Variants in CACNA2D1 observed in about 807,000 individuals in gnomAD.
CACNA2D1 encodes voltage-dependent calcium channel subunit alpha-2/delta-1.
A neutral mutation model predicts 171.5 loss-of-function variants in CACNA2D1; 53 were observed. That is an observed-to-expected ratio of 0.31 (90% CI 0.25 to 0.39). The LOEUF (loss-of-function observed/expected upper bound fraction) is 0.39, where lower values mean the gene tolerates loss of function less well. CACNA2D1 is among the 10% of genes least tolerant of loss of function. The pLI is 1.00. For synonymous variants in CACNA2D1, 442 were observed against 443.1 expected (o/e 1.00, Z 0.03); for missense variants, 903 against 1,299.8 (o/e 0.69, Z 4.69).
chr7:82,431,032 C>T (rs367961552), intron 1 of CACNA2D1, among the ~76,000 whole-genome samples: 4 of 152,262 alleles, frequency 2.6e-5, no homozygotes, highest in African/African-American at 7.2e-5. Flanking sequence ...CTTTGTGGTT[C>T]TGCTTTCTTC....
intron 3 of CACNA2D1, among the ~76,000 whole-genome samples, chr7:82,253,464 T>C (rs1805916985): frequency 6.6e-6 from 1 of 152,180 alleles, no homozygotes; most frequent in African/African-American, 2.4e-5. Context: ...GTTCAAGAAC[T>C]TTCATCAAGG....
At chr7:81,964,659 G>A (rs548524610) in intron 32 of CACNA2D1, among the ~76,000 whole-genome samples, 1 of 151,982 alleles carries the variant, frequency 6.6e-6, no homozygotes, top group South Asian at 2.1e-4. Flanking sequence ...CAGGGCCGGG[G>A]AATGGAGAGG....
At chr7:82,146,252 AAG>A (rs1375324672) in intron 4 of CACNA2D1, among the ~76,000 whole-genome samples, 3 of 151,524 alleles carry the variant, frequency 2.0e-5, no homozygotes, top group Non-Finnish European at 4.4e-5. Context: ...CCCTAGAAGA[AAG>A]AAACATTCAT....
intron 3 of CACNA2D1, among the ~76,000 whole-genome samples, chr7:82,253,349 C>A (rs923468784): frequency 7.2e-5 from 11 of 152,086 alleles, no homozygotes; most frequent in Non-Finnish European, 1.6e-4. Flanking sequence ...GTGAGGCAGG[C>A]ATAGGGCCAT....
At chr7:82,000,841 G>A (rs1405610352) in intron 18 of CACNA2D1, among the ~76,000 whole-genome samples, 1 of 111,738 alleles carries the variant, frequency 8.9e-6, no homozygotes, top group African/African-American at 3.6e-5. Flanking sequence ...ATGTTGGCCT[G>A]GCTGGTCTCA....
intron 10 of CACNA2D1, among the ~76,000 whole-genome samples, chr7:82,040,019 G>T (rs562679887): frequency 1.1e-4 from 17 of 152,302 alleles, no homozygotes; most frequent in Admixed American, 7.2e-4. Flanking sequence ...TTTTAAGAGT[G>T]CATCCTAGCT....
intron 3 of CACNA2D1, among the ~76,000 whole-genome samples, chr7:82,197,523 G>A (rs1798969817): frequency 6.6e-6 from 1 of 152,058 alleles, no homozygotes; most frequent in South Asian, 2.1e-4. Flanking sequence ...GCTGAGAAAT[G>A]AATTACAAAT....
intron 10 of CACNA2D1, chr7:82,050,674 C>G: frequency 2.9e-6 from 2 of 700,670 alleles, no homozygotes; most frequent in Non-Finnish European, 2.6e-6. Context: ...AATGCTTAGA[C>G]TTAAATGTGA....
intron 3 of CACNA2D1, among the ~76,000 whole-genome samples, chr7:82,328,334 C>T (rs1031666427): frequency 2.0e-5 from 3 of 152,076 alleles, no homozygotes; most frequent in African/African-American, 4.8e-5. Context: ...GCTTGGGCCT[C>T]ATTTTTATTG....
chr7:82,145,978 G>A lies in CACNA2D1; in HGVS notation c.355-9302C>T, dbSNP rs138924508. Among the ~76,000 whole-genome samples, 494 of 151,648 alleles carry A rather than the reference G, an allele frequency of 3.3e-3. 1 individual carries two copies. The highest frequency in any genetic ancestry group is 5.4e-3 in the Non-Finnish European group (369 of 67,882). On this transcript the variant is annotated intron_variant, in intron 4 of 38. Coordinates refer to ENST00000356860, the MANE Select transcript of CACNA2D1 (RefSeq NM_000722.4). ...CATATCACTTTACATTTCTTCATCC[G>A]GTATTTTCCGTTGCATAATTGTAAT...
chr7:81,962,287 G>C (rs1425943973), intron 35 of CACNA2D1, among the ~76,000 whole-genome samples, 153 bp downstream of exon 35: 3 of 151,936 alleles, frequency 2.0e-5, no homozygotes, highest in Non-Finnish European at 2.9e-5. Context: ...CATTAGGAAA[G>C]GTTGGACAAA....
intron 1 of CACNA2D1, among the ~76,000 whole-genome samples, chr7:82,382,562 G>A (rs1006089484): frequency 1.3e-5 from 2 of 152,184 alleles, no homozygotes; most frequent in African/African-American, 4.8e-5. Flanking sequence ...AGAACTGCTA[G>A]GGGAGGGGAG....
chr7:82,220,923 C>T (rs1412883512), intron 3 of CACNA2D1, among the ~76,000 whole-genome samples: 7 of 151,720 alleles, frequency 4.6e-5, no homozygotes, highest in African/African-American at 1.2e-4. Flanking sequence ...GGACTATAGG[C>T]GCGTGCCACC....
intron 3 of CACNA2D1, among the ~76,000 whole-genome samples, chr7:82,181,077 T>TTTTTTTTTTTTTTTG (rs1797090548): frequency 8.4e-6 from 1 of 118,912 alleles, no homozygotes; most frequent in African/African-American, 3.3e-5. Flanking sequence ...TTTTTTTTTT[T>TTTTTTTTTTTTTTTG]GCGTCAGTGA....
intron 2 of CACNA2D1, among the ~76,000 whole-genome samples, chr7:82,336,087 A>T (rs901981856): frequency 2.0e-5 from 3 of 152,186 alleles, no homozygotes; most frequent in Non-Finnish European, 4.4e-5. Flanking sequence ...TCCCTCATGC[A>T]TCCAACAGAT....
At chr7:82,245,823 T>G (rs1804854370) in intron 3 of CACNA2D1, among the ~76,000 whole-genome samples, 1 of 152,170 alleles carries the variant, frequency 6.6e-6, no homozygotes, top group South Asian at 2.1e-4. Context: ...TCATGGTATC[T>G]TCACCTTCTG....
At position 82,032,764 on chromosome 7, in the gene CACNA2D1, A is replaced by T. The variant is rs372486965; in HGVS notation, c.1143+33T>A. On this transcript the variant is annotated intron_variant, in intron 12 of 38. Coordinates refer to ENST00000356860, the MANE Select transcript of CACNA2D1 (RefSeq NM_000722.4). Reference sequence around the variant, plus strand: ...CTCTTTAAAAACCACCTAGATCATTATTAAAATTTAAATATTATAAAATTA... The same window carrying T: ...CTCTTTAAAAACCACCTAGATCATTTTTAAAATTTAAATATTATAAAATTA... 3.1e-4 allele frequency: 376 copies of T among 1,205,574 alleles called. No homozygotes were observed. The African/African-American group carries it at 5.4e-3, about 17-fold the overall frequency. 74.7% of individuals were successfully genotyped at this position (1,205,574 alleles called of 1,614,324 possible). A position where few individuals can be genotyped will look rare whatever the true frequency, so the allele number is the denominator to read the frequency against.
intron 1 of CACNA2D1, among the ~76,000 whole-genome samples, chr7:82,432,379 A>G (rs1829759987): frequency 6.6e-6 from 1 of 152,254 alleles, no homozygotes. Flanking sequence ...CTAACCATTC[A>G]TTCATTCATC....
intron 4 of CACNA2D1, among the ~76,000 whole-genome samples, chr7:82,148,159 A>G (rs1037100195): frequency 1.3e-5 from 2 of 152,226 alleles, no homozygotes; most frequent in African/African-American, 4.8e-5. Flanking sequence ...GTAACAGCTA[A>G]AACAAATATA....
Sources: allele counts gnomAD v4.1 joint callset (sites outside exome capture counted in the v4.1 genomes callset), GRCh38; gene constraint gnomAD v4.1.1; transcripts MANE v1.5; gene names NCBI Gene and HGNC (gene_info 2026-07-23, HGNC 2026-07-21).